SPAG16: variants seen among roughly 807,000 people sequenced by gnomAD.
The protein encoded by SPAG16 is sperm associated antigen 16, also known as sperm-associated antigen 16 protein.
In SPAG16, 86 loss-of-function variants were observed where a neutral mutation model predicts 80.4. That is an observed-to-expected ratio of 1.07 (90% CI 0.90 to 1.28). The LOEUF is 1.28. Among genes scored for constraint, SPAG16 ranks in the 50% most tolerant of loss-of-function variants. The pLI is 0.00. For synonymous variants in SPAG16, 294 were observed against 265.9 expected, an observed-to-expected ratio of 1.11 and a Z score of -1.03; for missense variants, 870 against 765.3, an observed-to-expected ratio of 1.14 and a Z score of -1.61.
At chr2:214,359,313 G>T (rs1324273246) in intron 15 of SPAG16, among the ~76,000 whole-genome samples, 1 of 151,740 alleles carries the variant, frequency 6.6e-6, no homozygotes, top group East Asian at 1.9e-4. Context: ...TTTAAACTCA[G>T]GTCTGCCTGA....
At chr2:214,389,728 A>G (rs1484865667) in intron 15 of SPAG16, among the ~76,000 whole-genome samples, 3 of 152,234 alleles carry the variant, frequency 2.0e-5, no homozygotes, top group Admixed American at 1.3e-4. Context: ...TGAAAATCCC[A>G]ATGCCAATTT....
At chr2:213,969,519 G>A (rs1346681866) in intron 12 of SPAG16, among the ~76,000 whole-genome samples, 1 of 152,118 alleles carries the variant, frequency 6.6e-6, no homozygotes, top group Non-Finnish European at 1.5e-5. Context: ...TATAAACGAA[G>A]CTTCACATAG....
chr2:214,403,894 G>C (rs964861161), intron 15 of SPAG16, among the ~76,000 whole-genome samples: 8 of 152,148 alleles, frequency 5.3e-5, no homozygotes, highest in Non-Finnish European at 1.2e-4. Flanking sequence ...TGCAATAAGT[G>C]CTCAGAAAAG....
At chr2:214,040,361 G>T (rs191048697) in intron 13 of SPAG16, among the ~76,000 whole-genome samples, 1 of 152,070 alleles carries the variant, frequency 6.6e-6, no homozygotes, top group Non-Finnish European at 1.5e-5. Context: ...GTATACTTGT[G>T]TCATAGGGGT....
intron 10 of SPAG16, among the ~76,000 whole-genome samples, chr2:213,794,501 A>G (rs2070900758): frequency 6.6e-6 from 1 of 151,964 alleles, no homozygotes; most frequent in African/African-American, 2.4e-5. Flanking sequence ...CTTTGCTTTG[A>G]CTTTTTCCTT....
chr2:214,170,254 A>C (rs184409622), intron 15 of SPAG16, among the ~76,000 whole-genome samples: 1 of 137,226 alleles, frequency 7.3e-6, no homozygotes, highest in Admixed American at 7.2e-5. Context: ...GTGTGTATAC[A>C]TATACACACA....
rs148208870 is a variant in SPAG16 at position 213,642,161 on chromosome 2, T to G, written c.1070+152071T>G. On this transcript the variant is annotated intron_variant, in intron 10 of 15. Transcript: ENST00000331683. ...GGCAGACTTTCCACCTCTCGCACTT[T>G]GGGAACGCACAATGTTTCAGCTGTT... 6.6e-5 allele frequency among the ~76,000 whole-genome samples: 10 copies of G among 152,310 alleles called. 1 individual carries two copies. Among genetic ancestry groups the G allele is most frequent in the African/African-American group, 2.4e-4 (10 of 41,564 alleles).
chr2:213,304,563 G>A (rs2062865031), intron 3 of SPAG16, among the ~76,000 whole-genome samples: 1 of 152,000 alleles, frequency 6.6e-6, no homozygotes, highest in Admixed American at 6.6e-5. Flanking sequence ...GTATGACAAG[G>A]GATAGGGGTC....
At chr2:213,354,809 A>C (rs2065536889) in intron 7 of SPAG16, among the ~76,000 whole-genome samples, 1 of 152,148 alleles carries the variant, frequency 6.6e-6, no homozygotes, top group South Asian at 2.1e-4. Flanking sequence ...CCCATTGTGT[A>C]GGTTACCTGT....
chr2:214,271,848 C>G (rs1692042776), intron 15 of SPAG16, among the ~76,000 whole-genome samples: 1 of 144,136 alleles, frequency 6.9e-6, no homozygotes, highest in South Asian at 2.2e-4. Context: ...GGAAACCCCC[C>G]CCCCAAAAAA....
Position 213,315,674 on chromosome 2 carries a change from C to A in SPAG16, c.399-1545C>A, listed in dbSNP as rs115433158. Among the ~76,000 whole-genome samples, 304 of 138,128 alleles carry A rather than the reference C, an allele frequency of 2.2e-3. 2 individuals are homozygous for A. The highest frequency in any genetic ancestry group is 7.9e-3 in the African/African-American group (296 of 37,266). The allele number at this position is 138,128 out of a possible 152,430, so 90.6% of individuals were successfully genotyped here. On this transcript the variant is annotated intron_variant, in intron 4 of 15. Coordinates refer to ENST00000331683, the MANE Select transcript of SPAG16 (RefSeq NM_024532.5). ...GACGTACTCTCAGTTTGGCTTTTAT[C>A]TGCATGACTCTATTGAAAACTTTTT...
chr2:214,157,212 A>C (rs1189003271), intron 15 of SPAG16, among the ~76,000 whole-genome samples: 1 of 152,188 alleles, frequency 6.6e-6, no homozygotes, highest in East Asian at 1.9e-4. Flanking sequence ...TTCCTTTTTC[A>C]ATCACCGCAG....
At position 213,586,470 on chromosome 2, in the gene SPAG16, T is replaced by A. The variant is rs541246844; in HGVS notation, c.1070+96380T>A. On this transcript the variant is annotated intron_variant, in intron 10 of 15. Coordinates refer to ENST00000331683, the MANE Select transcript of SPAG16 (RefSeq NM_024532.5). Reference sequence around the variant, plus strand: ...CCTCCTAACACTATCACCTTAAGAGTTAGGATTTCAAAATACAGATTTTGG... The same window carrying A: ...CCTCCTAACACTATCACCTTAAGAGATAGGATTTCAAAATACAGATTTTGG... 3.9e-4 allele frequency among the ~76,000 whole-genome samples: 60 copies of A among 152,136 alleles called. 2 individuals carry two copies. The South Asian group carries it at 6.8e-3, about 17-fold the overall frequency.
chr2:213,688,739 AT>A (rs921506457), intron 10 of SPAG16, among the ~76,000 whole-genome samples: 11 of 150,754 alleles, frequency 7.3e-5, no homozygotes, highest in East Asian at 3.9e-4. Flanking sequence ...TGCTCTGTTA[AT>A]TTTTTTTTCA....
intron 13 of SPAG16, among the ~76,000 whole-genome samples, chr2:214,039,470 AGCTTCT>A (rs1243227164): frequency 6.6e-6 from 1 of 152,216 alleles, no homozygotes; most frequent in Non-Finnish European, 1.5e-5. Context: ...TAAACTAAAG[AGCTTCT>A]GCACAGCAAA....
At chr2:213,645,554 G>T (rs1490761147) in intron 10 of SPAG16, among the ~76,000 whole-genome samples, 1 of 152,158 alleles carries the variant, frequency 6.6e-6, no homozygotes, top group African/African-American at 2.4e-5. Flanking sequence ...TCATTTGATA[G>T]CTAGGGCCTG....
chr2:213,671,022 A>T (rs921956158), intron 10 of SPAG16, among the ~76,000 whole-genome samples: 2 of 152,238 alleles, frequency 1.3e-5, no homozygotes, highest in African/African-American at 4.8e-5. Context: ...GAAAGCAACT[A>T]TGCAAATTAT....
At chr2:214,042,707 T>G (rs139194848) in intron 13 of SPAG16, among the ~76,000 whole-genome samples, 1 of 152,282 alleles carries the variant, frequency 6.6e-6, no homozygotes, top group East Asian at 1.9e-4. Flanking sequence ...TGCTTCTCAT[T>G]CCTGATTTGT....
chr2:214,100,956 T>C (rs1401205832), intron 13 of SPAG16, among the ~76,000 whole-genome samples: 1 of 152,140 alleles, frequency 6.6e-6, no homozygotes, highest in Non-Finnish European at 1.5e-5. Context: ...CTTAAAATTT[T>C]TTCAAAAGAA....
Sources: gnomAD v4.1 joint callset for allele counts (sites outside exome capture counted in the v4.1 genomes callset) on GRCh38, gnomAD v4.1.1 for gene constraint, MANE v1.5 for transcripts, NCBI Gene and HGNC (gene_info 2026-07-23, HGNC 2026-07-21) for gene names.